Variants in AFF3 observed in about 807,000 individuals in gnomAD.
AFF3 encodes the protein AF4/FMR2 family member 3.
AFF3 carries 32 observed loss-of-function variants against 129.7 expected under a neutral mutation model. The ratio of observed to expected loss-of-function variants is 0.25; its 90% confidence interval spans 0.19 to 0.33. The LOEUF (loss-of-function observed/expected upper bound fraction) is 0.33. AFF3 is among the 10% of genes least tolerant of loss of function. The pLI is 1.00. For missense variants in AFF3, 1,373 were observed against 1,592.0 expected (o/e 0.86, Z 2.34); for synonymous variants, 644 against 635.4 (o/e 1.01, Z -0.20).
chr2:99,689,173 A>G (rs927043819), intron 11 of AFF3, among the ~76,000 whole-genome samples: 2 of 152,058 alleles, frequency 1.3e-5, no homozygotes, highest in Non-Finnish European at 2.9e-5. Flanking sequence ...TCCTCTCTTC[A>G]GTCCCTTCTC....
intron 2 of AFF3, among the ~76,000 whole-genome samples, chr2:100,123,109 A>G (rs1692044550): frequency 6.6e-6 from 1 of 152,220 alleles, no homozygotes; most frequent in Non-Finnish European, 1.5e-5. Context: ...AGAAAACCTT[A>G]GAAGTAGGAG....
intron 4 of AFF3, among the ~76,000 whole-genome samples, chr2:100,020,644 ACTGT>A: frequency 6.6e-6 from 1 of 152,150 alleles, no homozygotes; most frequent in Middle Eastern, 3.4e-3. Flanking sequence ...CATCATCTGG[ACTGT>A]GTGATTTCCC....
intron 7 of AFF3, among the ~76,000 whole-genome samples, chr2:100,002,067 A>G (rs1681471680): frequency 6.6e-6 from 1 of 152,202 alleles, no homozygotes; most frequent in Admixed American, 6.5e-5. Flanking sequence ...GAAAGATGAC[A>G]CCACGACAGG....
chr2:99,600,630 A>G (rs773581107), intron 14 of AFF3, among the ~76,000 whole-genome samples: 1 of 152,186 alleles, frequency 6.6e-6, no homozygotes, highest in Non-Finnish European at 1.5e-5. Flanking sequence ...AGTCATGTCA[A>G]ATGTTTACGC....
intron 4 of AFF3, among the ~76,000 whole-genome samples, chr2:100,039,287 A>T (rs1276640672): frequency 6.6e-6 from 1 of 152,212 alleles, no homozygotes; most frequent in Admixed American, 6.5e-5. Context: ...GGCAGCGCAC[A>T]GTGGCTCTGG....
At chr2:99,764,914 T>C (rs139899879) in intron 8 of AFF3, among the ~76,000 whole-genome samples, 2 of 151,756 alleles carry the variant, frequency 1.3e-5, no homozygotes, top group East Asian at 3.9e-4. Flanking sequence ...ATGCTTTTTT[T>C]GACAAGCAAA....
intron 7 of AFF3, among the ~76,000 whole-genome samples, chr2:99,898,629 C>T (rs977126338): frequency 1.3e-5 from 2 of 152,220 alleles, no homozygotes; most frequent in African/African-American, 2.4e-5. Context: ...CACTTGCTCA[C>T]GTTGACACTG....
chr2:100,086,134 TTC>T (rs1366301514), intron 4 of AFF3, among the ~76,000 whole-genome samples: 1 of 151,388 alleles, frequency 6.6e-6, no homozygotes, highest in Non-Finnish European at 1.5e-5. Flanking sequence ...AGTTCTGACT[TTC>T]TGTTTATATG....
chr2:99,757,184 T>A (rs1682184104), intron 8 of AFF3, among the ~76,000 whole-genome samples: 1 of 152,224 alleles, frequency 6.6e-6, no homozygotes, highest in South Asian at 2.1e-4. Flanking sequence ...TACTGTGGCT[T>A]TAAAAACCAT....
chr2:100,102,322 T>C (rs1223427120), intron 4 of AFF3, among the ~76,000 whole-genome samples: 1 of 149,882 alleles, frequency 6.7e-6, no homozygotes, highest in Non-Finnish European at 1.5e-5. Flanking sequence ...TTTTGTAAAA[T>C]GTAATTCTAC....
intron 4 of AFF3, among the ~76,000 whole-genome samples, chr2:100,018,674 C>A (rs1192366824): frequency 6.6e-6 from 1 of 151,894 alleles, no homozygotes; most frequent in Non-Finnish European, 1.5e-5. Flanking sequence ...TGGGATGAAG[C>A]AATTACTCTG....
chr2:99,700,722 A>G (rs1475063766), intron 11 of AFF3, among the ~76,000 whole-genome samples: 1 of 152,232 alleles, frequency 6.6e-6, no homozygotes, highest in Non-Finnish European at 1.5e-5. Flanking sequence ...GGGAAGTTCC[A>G]GAGCTTAGAA....
intron 7 of AFF3, among the ~76,000 whole-genome samples, chr2:99,945,890 T>G (rs1675516350): frequency 6.6e-6 from 1 of 152,206 alleles, no homozygotes; most frequent in Non-Finnish European, 1.5e-5. Flanking sequence ...GTGAAGGATG[T>G]GACAGAGAGA....
intron 11 of AFF3, among the ~76,000 whole-genome samples, chr2:99,708,538 T>C (rs938954964): frequency 1.3e-5 from 2 of 152,212 alleles, no homozygotes; most frequent in Non-Finnish European, 2.9e-5. Flanking sequence ...GCTCCAGTTT[T>C]AATTTTTTCC....
chr2:99,876,083 CT>C (rs1412631802), intron 7 of AFF3, among the ~76,000 whole-genome samples: 1 of 152,156 alleles, frequency 6.6e-6, no homozygotes, highest in African/African-American at 2.4e-5. Flanking sequence ...TCTCCAATCA[CT>C]TAAGATCCCT....
In AFF3 at chr2:100,139,371, C is replaced by A. The variant is rs560260233; in HGVS notation, c.-228+3113G>T. Among the ~76,000 whole-genome samples, 162 of 152,164 alleles carry A rather than the reference C, an allele frequency of 1.1e-3. 1 individual carries two copies. Among genetic ancestry groups the A allele is most frequent in the African/African-American group, 3.8e-3 (156 of 41,506 alleles). On this transcript the variant is annotated intron_variant, in intron 1 of 24. Transcript: ENST00000672756. ...CAGGATCTAATTGGTAACATATTGC[C>A]GATTGAATTAAGTGCCATATGATAG...
intron 7 of AFF3, 135 bp from the exon 8 acceptor site, chr2:99,837,659 G>A (rs1420459752): frequency 5.6e-6 from 4 of 710,404 alleles, no homozygotes; most frequent in African/African-American, 3.6e-5. Flanking sequence ...CCTGACCTGG[G>A]ACTGGCAGAC....
chr2:100,106,153 C>T, intron 2 of AFF3: 25 of 1,225,328 alleles, frequency 2.0e-5, no homozygotes, highest in Non-Finnish European at 2.6e-5. Context: ...TGGCTCCCTT[C>T]TTCCCCCAGC....
At chr2:99,692,800 C>T (rs1483679258) in intron 11 of AFF3, among the ~76,000 whole-genome samples, 2 of 152,182 alleles carry the variant, frequency 1.3e-5, no homozygotes, top group African/African-American at 4.8e-5. Flanking sequence ...CTGTATCCTC[C>T]AGAGAGCCAG....
Sources: gnomAD v4.1 joint callset for allele counts (sites outside exome capture counted in the v4.1 genomes callset) on GRCh38, gnomAD v4.1.1 for gene constraint, MANE v1.5 for transcripts, NCBI Gene and HGNC (gene_info 2026-07-23, HGNC 2026-07-21) for gene names.